Variants in GPR158 observed in about 807,000 individuals in gnomAD.
GPR158 encodes the protein metabotropic glycine receptor.
Under a neutral mutation model 78.2 loss-of-function variants are expected in GPR158, and 30 were observed. That is an observed-to-expected ratio of 0.38 (90% CI 0.29 to 0.52). The LOEUF is 0.52. Ranked by LOEUF, GPR158 falls within the 20% of genes least tolerant of loss-of-function variation. The pLI is 0.83. For missense variants in GPR158, 1,463 were observed against 1,523.5 expected, an observed-to-expected ratio of 0.96 and a Z score of 0.66; for synonymous variants, 581 against 591.1, an observed-to-expected ratio of 0.98 and a Z score of 0.25.
intron 2 of GPR158, among the ~76,000 whole-genome samples, chr10:25,231,340 AG>A (rs1347093799): frequency 6.6e-6 from 1 of 152,210 alleles, no homozygotes; most frequent in Non-Finnish European, 1.5e-5. Flanking sequence ...GCAATATTAT[AG>A]GAAGCACCAT....
chr10:25,303,108 T>C (rs1423396254), intron 2 of GPR158, among the ~76,000 whole-genome samples: 1 of 152,210 alleles, frequency 6.6e-6, no homozygotes, highest in Admixed American at 6.5e-5. Context: ...GATAGTAATT[T>C]AGGTCAAAGC....
intron 2 of GPR158, among the ~76,000 whole-genome samples, chr10:25,265,918 C>T (rs1036458960): frequency 2.0e-5 from 3 of 152,172 alleles, no homozygotes; most frequent in African/African-American, 7.2e-5. Context: ...TGTTACCACC[C>T]GCCTGCTTAA....
chr10:25,214,919 C>T (rs1178984723), intron 1 of GPR158, among the ~76,000 whole-genome samples: 2 of 152,040 alleles, frequency 1.3e-5, no homozygotes, highest in Admixed American at 1.3e-4. Context: ...TTTAAATCAC[C>T]CGGTCTGAGA....
At chr10:25,250,161 C>T (rs1853772586) in intron 2 of GPR158, among the ~76,000 whole-genome samples, 3 of 123,292 alleles carry the variant, frequency 2.4e-5, no homozygotes, top group African/African-American at 3.3e-5. Context: ...TGGTGATATC[C>T]CCTTTATCAT....
At chr10:25,330,577 G>C (rs1194096652) in intron 2 of GPR158, among the ~76,000 whole-genome samples, 1 of 152,156 alleles carries the variant, frequency 6.6e-6, no homozygotes, top group Non-Finnish European at 1.5e-5. Flanking sequence ...ATGTTTAGAG[G>C]TTATATCTTG....
At chr10:25,367,910 A>G (rs561282566) in intron 2 of GPR158, among the ~76,000 whole-genome samples, 1 of 151,934 alleles carries the variant, frequency 6.6e-6, no homozygotes, top group Non-Finnish European at 1.5e-5. Context: ...CCATACATAT[A>G]CTGTCAGATT....
intron 2 of GPR158, among the ~76,000 whole-genome samples, chr10:25,319,340 C>T (rs951129026): frequency 2.0e-5 from 3 of 152,102 alleles, no homozygotes; most frequent in Non-Finnish European, 4.4e-5. Context: ...AGGCCTGACC[C>T]ACTAGACTGA....
intron 4 of GPR158, among the ~76,000 whole-genome samples, chr10:25,430,272 G>A (rs1428660808): frequency 5.3e-5 from 8 of 151,102 alleles, no homozygotes; most frequent in Admixed American, 1.3e-4. Flanking sequence ...TTGCTTCAAA[G>A]AGAATAAAAT....
intron 8 of GPR158, among the ~76,000 whole-genome samples, chr10:25,590,296 G>T (rs1294351072): frequency 2.0e-5 from 3 of 152,172 alleles, no homozygotes; most frequent in African/African-American, 7.2e-5. Context: ...AAGAGGCCAG[G>T]AATCTAGAGA....
intron 2 of GPR158, among the ~76,000 whole-genome samples, chr10:25,249,000 G>T (rs901776458): frequency 4.0e-5 from 6 of 150,324 alleles, no homozygotes; most frequent in Non-Finnish European, 8.8e-5. Context: ...ATGAGCAGTG[G>T]TTTGTAGTTC....
At chr10:25,539,507 T>C (rs1429343702) in intron 5 of GPR158, among the ~76,000 whole-genome samples, 1 of 148,398 alleles carries the variant, frequency 6.7e-6, no homozygotes, top group Non-Finnish European at 1.5e-5. Context: ...TTTTTAGACC[T>C]GTAACCCCTT....
At position 25,224,157 on chromosome 10, in the gene GPR158, C is replaced by T. The variant is rs564607415; in HGVS notation, c.1008+3000C>T. On this transcript the variant is annotated intron_variant, in intron 2 of 10. Transcript: ENST00000376351. ...ATGTCTTAGTAACTAATCTAGATTA[C>T]TGTAAAATAGATTTGGTCAGTTTTC... Among the ~76,000 whole-genome samples the T allele has an allele frequency of 1.1e-4, 17 of 152,186 alleles. No individual in the cohort carries two copies. In the South Asian group the frequency reaches 1.9e-3, roughly 17 times the overall value.
rs78985567 is a variant in GPR158 at position 25,175,598 on chromosome 10, C to T, written c.178C>T (p.Pro60Ser). 6.2e-7 allele frequency: 1 copy of T among 1,610,804 alleles called. No individual in the cohort carries two copies. Among genetic ancestry groups the T allele is most frequent in the East Asian group, 2.2e-5 (1 of 44,836 alleles). Residue 60 changes from proline (P) to serine (S), a missense_variant, in exon 1 of 11, where the codon CCC becomes TCC. Transcript: ENST00000376351. The surrounding 1 kb of genome is among the most constrained non-coding windows in gnomAD (Gnocchi z 6.4). Reference protein sequence around the residue: ...GRASASDSSAPWSRSTDGTIL... With the variant: ...GRASASDSSASWSRSTDGTIL... ...AGCCTCTGCCTCGGACTCCTCGGCTCCCTGGAGCCGCTCCACCGATGGCAC... is the reference window on the plus strand; with the variant it reads ...AGCCTCTGCCTCGGACTCCTCGGCTTCCTGGAGCCGCTCCACCGATGGCAC...
chr10:25,200,399 T>C (rs917767370), intron 1 of GPR158, among the ~76,000 whole-genome samples: 7 of 152,208 alleles, frequency 4.6e-5, no homozygotes, highest in African/African-American at 9.7e-5. Context: ...AAGTTCCTTA[T>C]AGATTCTGGA....
At chr10:25,395,839 T>C (rs1340874237) in intron 2 of GPR158, 72 bp from the exon 3 acceptor site, 4 of 625,526 alleles carry the variant, frequency 6.4e-6, no homozygotes, top group African/African-American at 3.8e-5. Flanking sequence ...TTTGCAATGA[T>C]GGATATCTGC....
chr10:25,218,896 T>C (rs554782623), intron 1 of GPR158, among the ~76,000 whole-genome samples: 1 of 152,264 alleles, frequency 6.6e-6, no homozygotes, highest in South Asian at 2.1e-4. Flanking sequence ...TCATTTATTT[T>C]ACCTATTTCT....
At chr10:25,410,470 G>A (rs998007629) in intron 3 of GPR158, among the ~76,000 whole-genome samples, 1 of 152,064 alleles carries the variant, frequency 6.6e-6, no homozygotes, top group Non-Finnish European at 1.5e-5. Context: ...ACAAAAATTA[G>A]CCAGGCGTGG....
chr10:25,228,267 C>T (rs1427383158), intron 2 of GPR158, among the ~76,000 whole-genome samples: 1 of 151,636 alleles, frequency 6.6e-6, no homozygotes, highest in Non-Finnish European at 1.5e-5. Context: ...AGAGTGAGAC[C>T]TCATTTCTAA....
At chr10:25,242,254 A>G (rs1853637476) in intron 2 of GPR158, among the ~76,000 whole-genome samples, 1 of 152,242 alleles carries the variant, frequency 6.6e-6, no homozygotes, top group Non-Finnish European at 1.5e-5. Flanking sequence ...AAACAGTATC[A>G]GAAGCTAAAT....
Sources: allele counts gnomAD v4.1 joint callset (sites outside exome capture counted in the v4.1 genomes callset), GRCh38; gene constraint gnomAD v4.1.1; non-coding constraint Gnocchi (gnomAD v3.1); transcripts MANE v1.5; gene names NCBI Gene and HGNC (gene_info 2026-07-23, HGNC 2026-07-21).